The following TSPAN11 variants were observed in gnomAD, a reference collection of about 807,000 sequenced individuals.
The protein encoded by TSPAN11 is tetraspanin-11.
Under a neutral mutation model 32.9 loss-of-function variants are expected in TSPAN11, and 29 were observed. The observed-to-expected ratio is 0.88, with a 90% confidence interval of 0.66 to 1.20. The LOEUF is 1.20. TSPAN11 is among the 50% of genes most tolerant of loss of function. The pLI, the probability that TSPAN11 is intolerant of heterozygous loss-of-function variation, is 0.00. For missense variants in TSPAN11, 283 were observed against 329.1 expected, an observed-to-expected ratio of 0.86 and a Z score of 1.08; for synonymous variants, 140 against 141.3, an observed-to-expected ratio of 0.99 and a Z score of 0.07.
intron 7 of TSPAN11, among the ~76,000 whole-genome samples, chr12:30,987,411 A>C (rs1939221264): frequency 6.6e-6 from 1 of 152,090 alleles, no homozygotes. Context: ...GATCAAGACC[A>C]TTCTGGCCAA....
intron 1 of TSPAN11, among the ~76,000 whole-genome samples, chr12:30,946,704 G>A (rs1938275348): frequency 6.6e-6 from 1 of 152,234 alleles, no homozygotes; most frequent in African/African-American, 2.4e-5. Context: ...GAGAGGAGCA[G>A]GTGTTTCTGA....
Position 30,957,705 on chromosome 12 carries a change from C to CTTCTT in TSPAN11, c.84+3631_84+3632insTCTTT, listed in dbSNP as rs1419327041. ...CTGTCCTGCCTCCCTCCCTCCCTCC[C>CTTCTT]TCCTTCCTTCCTTCCTTCCTTCCCT... is the stretch of plus-strand genomic sequence containing the variant. On this transcript the variant is annotated intron_variant, in intron 2 of 7. Coordinates refer to ENST00000546076, the MANE Select transcript of TSPAN11 (RefSeq NM_001370302.1). Among the ~76,000 whole-genome samples, 504 of 52,380 alleles carry CTTCTT rather than the reference C, an allele frequency of 9.6e-3. 44 individuals are homozygous for CTTCTT. The highest frequency in any genetic ancestry group is 0.056 in the African/African-American group (238 of 4,218). 34.4% of individuals were successfully genotyped at this position (52,380 alleles called of 152,430 possible).
At chr12:31,007,053 C>T in the TSPAN11 span, among the ~76,000 whole-genome samples, 1 of 152,090 alleles carries the variant, frequency 6.6e-6, no homozygotes. Context: ...TAGGGGGGGC[C>T]CCTCCCCAGG....
At chr12:31,000,041 T>C (rs775397165), downstream of TSPAN11, among the ~76,000 whole-genome samples, 92 of 152,194 alleles carry the variant, frequency 6.0e-4, 1 homozygote, top group Non-Finnish European at 2.2e-4. Context: ...GAGGAGACAA[T>C]AGGCTGTCTC....
At chr12:30,966,521 C>A (rs945136573) in intron 3 of TSPAN11, among the ~76,000 whole-genome samples, 1 of 152,252 alleles carries the variant, frequency 6.6e-6, no homozygotes, top group African/African-American at 2.4e-5. Context: ...GTCATATTCA[C>A]CCCCATTTTC....
intron 3 of TSPAN11, among the ~76,000 whole-genome samples, chr12:30,970,904 C>A (rs1938835763): frequency 6.6e-6 from 1 of 152,196 alleles, no homozygotes; most frequent in Non-Finnish European, 1.5e-5. Context: ...TGGTTAATTG[C>A]CAGAAAATAA....
the TSPAN11 span, among the ~76,000 whole-genome samples, chr12:31,014,928 A>G: frequency 1.3e-5 from 2 of 152,192 alleles, no homozygotes; most frequent in African/African-American, 2.4e-5. Context: ...AAAGACAATA[A>G]ATAGTTGATA....
chr12:30,943,296 C>T (rs976365526), intron 1 of TSPAN11, among the ~76,000 whole-genome samples: 1 of 152,180 alleles, frequency 6.6e-6, no homozygotes, highest in African/African-American at 2.4e-5. Flanking sequence ...GTCTGCTCTG[C>T]GTGTCTGGGT....
intron 7 of TSPAN11, among the ~76,000 whole-genome samples, chr12:30,987,271 C>T (rs762002072): frequency 5.3e-5 from 8 of 152,146 alleles, no homozygotes; most frequent in Admixed American, 2.0e-4. Context: ...ACCAGACCTC[C>T]GCAGAGCCCC....
intron 1 of TSPAN11, among the ~76,000 whole-genome samples, chr12:30,944,553 T>C (rs1021898174): frequency 1.3e-5 from 2 of 150,600 alleles, no homozygotes; most frequent in East Asian, 1.9e-4. Context: ...GAAATCAGTA[T>C]GTGAAAGAGA....
intron 3 of TSPAN11, among the ~76,000 whole-genome samples, chr12:30,967,962 C>A (rs997274944): frequency 2.6e-5 from 4 of 152,004 alleles, no homozygotes; most frequent in African/African-American, 7.3e-5. Context: ...CAAGAAGGTG[C>A]CTGTACAACC....
intron 1 of TSPAN11, among the ~76,000 whole-genome samples, chr12:30,936,345 T>C (rs1938044199): frequency 6.6e-6 from 1 of 152,240 alleles, no homozygotes; most frequent in Admixed American, 6.5e-5. Flanking sequence ...GCTTCATTCA[T>C]TCTCTTTTCT....
chr12:30,977,115 G>A (rs906686765), intron 3 of TSPAN11, among the ~76,000 whole-genome samples: 4 of 152,190 alleles, frequency 2.6e-5, no homozygotes, highest in Admixed American at 2.6e-4. Context: ...AGGAAACCTT[G>A]CTCTTGGACC....
chr12:30,968,415 G>A (rs55867552), intron 3 of TSPAN11, among the ~76,000 whole-genome samples: 28,652 of 152,180 alleles, frequency 0.19, 2,909 homozygotes, highest in African/African-American at 0.24. Flanking sequence ...CGTGGCCGTC[G>A]GGGACAGAAA....
chr12:30,974,367 A>C (rs560833901), intron 3 of TSPAN11, among the ~76,000 whole-genome samples: 1 of 152,346 alleles, frequency 6.6e-6, no homozygotes, highest in East Asian at 1.9e-4. Context: ...TGGGATGCTT[A>C]GCATCCGGGC....
the TSPAN11 span, among the ~76,000 whole-genome samples, chr12:31,002,919 G>C: frequency 1.3e-5 from 2 of 152,166 alleles, no homozygotes; most frequent in Non-Finnish European, 2.9e-5. The surrounding 1 kb of genome is among the most constrained non-coding windows in gnomAD (Gnocchi z 4.8). Context: ...CACCGCTCCA[G>C]CTGCGGGCTG....
intron 7 of TSPAN11, among the ~76,000 whole-genome samples, chr12:30,985,120 C>CT (rs2140309363): frequency 6.6e-6 from 1 of 152,220 alleles, no homozygotes; most frequent in East Asian, 1.9e-4. Context: ...TAGCTGCAGC[C>CT]TAACACACTG....
rs139837136 is a variant in TSPAN11 at position 30,979,248 on chromosome 12, T to G, written c.352-318T>G. Among the ~76,000 whole-genome samples, 32 of 152,316 alleles carry G rather than the reference T, an allele frequency of 2.1e-4. No individual in the cohort carries two copies. The East Asian group carries it at 5.8e-3, about 28-fold the overall frequency. Reference sequence around the variant, plus strand: ...GATCAACAGACATTTCAAAGCACCCTGTGTCTGGCCTCACCACCGCCTCCC... The same window carrying G: ...GATCAACAGACATTTCAAAGCACCCGGTGTCTGGCCTCACCACCGCCTCCC... On this transcript the variant is annotated intron_variant, in intron 4 of 7. Coordinates refer to ENST00000546076, the MANE Select transcript of TSPAN11 (RefSeq NM_001370302.1).
At chr12:30,979,817 C>T (rs769872205) in intron 5 of TSPAN11, 147 bp downstream of exon 5, 1 of 752,896 alleles carries the variant, frequency 1.3e-6, no homozygotes, top group Non-Finnish European at 2.2e-6. Context: ...CTCTTTAGGG[C>T]ACATGAGCAT....
Sources: allele counts gnomAD v4.1 joint callset (sites outside exome capture counted in the v4.1 genomes callset), GRCh38; gene constraint gnomAD v4.1.1; non-coding constraint Gnocchi (gnomAD v3.1); transcripts MANE v1.5; gene names NCBI Gene and HGNC (gene_info 2026-07-23, HGNC 2026-07-21).